The following TMEM230 variants were observed in gnomAD, a reference collection of about 807,000 sequenced individuals.
TMEM230 encodes the protein transmembrane protein 230.
A neutral mutation model predicts 15.8 loss-of-function variants in TMEM230; 10 were observed. The ratio of observed to expected loss-of-function variants is 0.63; its 90% CI spans 0.39 to 1.07. The LOEUF (loss-of-function observed/expected upper bound fraction) is 1.07, where lower values mean the gene tolerates loss of function less well. Among genes scored for constraint, TMEM230 ranks in the 50% least tolerant of loss-of-function variants. The probability of loss-of-function intolerance (pLI) is 0.01; values close to 1 mark genes in which losing one functional copy is unlikely to be tolerated. For missense variants in TMEM230, 165 were observed against 193.3 expected (o/e 0.85, Z 0.87); for synonymous variants, 67 against 76.9 (o/e 0.87, Z 0.68).
At chr20:5,086,854 C>T (rs1199139161) in intron 3 of TMEM230, among the ~76,000 whole-genome samples, 14 of 151,882 alleles carry the variant, frequency 9.2e-5, no homozygotes, top group Non-Finnish European at 1.5e-4. Flanking sequence ...TGCACACTGC[C>T]ACGCCTGGCT....
downstream of TMEM230, among the ~76,000 whole-genome samples, chr20:5,099,087 A>C (rs2122702249): frequency 6.6e-6 from 1 of 152,098 alleles, no homozygotes; most frequent in East Asian, 1.9e-4. Flanking sequence ...ACACTTTGGG[A>C]GGCAAAGGTG....
At chr20:5,092,393 T>C (rs990964450) in intron 3 of TMEM230, among the ~76,000 whole-genome samples, 3 of 152,132 alleles carry the variant, frequency 2.0e-5, no homozygotes, top group Non-Finnish European at 1.5e-5. Context: ...GGGTTCTACA[T>C]ATGCATATCA....
intron 3 of TMEM230, chr20:5,069,482 G>T: frequency 2.2e-6 from 2 of 892,244 alleles, no homozygotes; most frequent in Non-Finnish European, 3.3e-6. Flanking sequence ...CCTGTGTGAG[G>T]CAGGAGCTCA....
rs761683661 is a variant in TMEM230, at chr20:5,113,035, G to A, written c.-7C>T. Reference sequence around the variant, plus strand: ...GCAGCGCCCAAGGTTGCATGGCATGGCCCGCTTAAGTGCCACTCAGCCGGC... The same window carrying A: ...GCAGCGCCCAAGGTTGCATGGCATGACCCGCTTAAGTGCCACTCAGCCGGC... On this transcript the variant is annotated 5_prime_UTR_variant, in exon 1 of 5. Coordinates refer to ENST00000342308, the MANE Select transcript of TMEM230 (RefSeq NM_001009923.2). 7.1e-6 allele frequency: 11 copies of A among 1,545,362 alleles called. No individual in the cohort carries two copies. Among genetic ancestry groups the A allele is most frequent in the Non-Finnish European group, 9.6e-6 (11 of 1,146,666 alleles).
the TMEM230 span, chr20:5,061,337 C>T: frequency 2.0e-5 from 3 of 152,158 alleles, no homozygotes; most frequent in African/African-American, 7.2e-5. Flanking sequence ...CAATGCAGTG[C>T]TCTAGTACCT....
rs371439291 is a variant in TMEM230, at chr20:5,107,076, C to T, written c.289-766G>A. ...CAGCAATGTGGGAGGCTGAGGCAGG[C>T]GGATCACTTGAGTTCAGGAGTTTGA... is the stretch of plus-strand genomic sequence containing the variant. On this transcript the variant is annotated intron_variant, in intron 3 of 4. Coordinates refer to ENST00000342308, the MANE Select transcript of TMEM230 (RefSeq NM_001009923.2). 2.4e-4 allele frequency among the ~76,000 whole-genome samples: 37 copies of T among 152,142 alleles called. 1 individual carries two copies. In the South Asian group the frequency reaches 3.9e-3, roughly 16 times the overall value.
chr20:5,109,539 G>T (rs2122824730), intron 2 of TMEM230, 94 bp from the exon 2 acceptor site: 1 of 968,878 alleles, frequency 1.0e-6, no homozygotes, highest in South Asian at 1.4e-5. Context: ...CTGTGCACTG[G>T]AGTTCTGGGC....
intron 3 of TMEM230, among the ~76,000 whole-genome samples, chr20:5,079,410 C>T (rs1445309475): frequency 6.6e-6 from 1 of 152,158 alleles, no homozygotes; most frequent in African/African-American, 2.4e-5. Context: ...TGAATTCCCC[C>T]ACTCCTTCTA....
Position 5,111,606 on chromosome 20 carries a change from C to CCAAAA in TMEM230, c.69-2_69-1insTTTTG. The CCAAAA allele has an allele frequency of 2.7e-5, 1 of 37,376 alleles. No individual in the cohort carries two copies. The highest frequency in any genetic ancestry group is 4.6e-5 in the Non-Finnish European group (1 of 21,762). 2.3% of individuals were successfully genotyped at this position (37,376 alleles called of 1,614,324 possible). A position where few individuals can be genotyped will look rare whatever the true frequency, so the allele number is the denominator to read the frequency against. On this transcript the variant is annotated splice_acceptor_variant, in intron 1 of 4. Transcript: ENST00000342308. LOFTEE classifies it high-confidence loss of function. Reference sequence around the variant, plus strand: ...CCTGGGCGACAGAACTAGACTCCATCTAAAAAAAAAAAAAAAAAAAAAAAA... The same window carrying CCAAAA: ...CCTGGGCGACAGAACTAGACTCCATCCAAAATAAAAAAAAAAAAAAAAAAAAAAAA...
chr20:5,062,137 G>A, the TMEM230 span, among the ~76,000 whole-genome samples: 1 of 151,474 alleles, frequency 6.6e-6, no homozygotes, highest in African/African-American at 2.4e-5. Context: ...TGAGAGAATC[G>A]CTTGAGCCTA....
chr20:5,100,105 G>A lies in TMEM230; in HGVS notation c.*686C>T. On this transcript the variant is annotated 3_prime_UTR_variant, in exon 5 of 5. Transcript: ENST00000342308. ...ACAGCCAAAAGTCCGGCCGTTAAAG[G>A]AATAATCTGCAGAACATCTTGATTT... is the stretch of plus-strand genomic sequence containing the variant. The A allele has an allele frequency of 1.0e-6, 1 of 985,350 alleles. No homozygotes were observed. The highest frequency in any genetic ancestry group is 1.2e-6 in the Non-Finnish European group (1 of 829,916). The allele number at this position is 985,350 out of a possible 1,614,324, so 61.0% of individuals were successfully genotyped here. A position where few individuals can be genotyped will look rare whatever the true frequency, so the allele number is the denominator to read the frequency against.
At chr20:5,088,004 A>T (rs796389187) in intron 3 of TMEM230, among the ~76,000 whole-genome samples, 12 of 28,844 alleles carry the variant, frequency 4.2e-4, no homozygotes, top group African/African-American at 1.4e-3. Context: ...GGATATACCT[A>T]AAAAAAAAAA....
At chr20:5,075,633 G>A (rs6053080) in intron 3 of TMEM230, among the ~76,000 whole-genome samples, 6,861 of 151,962 alleles carry the variant, frequency 0.045, 468 homozygotes, top group African/African-American at 0.15. Flanking sequence ...GATGAAGCAG[G>A]AGAATCTCTT....
rs1216806480 is a variant in TMEM230 at position 5,113,025 on chromosome 20, G to A, written c.4C>T (p.Gln2Ter). The A allele has an allele frequency of 3.9e-6, 6 of 1,547,624 alleles. No homozygotes were observed. The highest frequency in any genetic ancestry group is 1.8e-4 in the Middle Eastern group (1 of 5,618). Residue 2 changes from glutamine to a stop codon, truncating the protein, a stop_gained, in exon 1 of 5, where the codon CAA (glutamine) becomes TAA (stop). It introduces an in-frame stop codon into an upstream open reading frame of the 5' UTR. Transcript: ENST00000342308. LOFTEE classifies it high-confidence loss of function. ...CCCACGGTTGGCAGCGCCCAAGGTT[G>A]CATGGCATGGCCCGCTTAAGTGCCA...
At chr20:5,085,795 G>A (rs2089318432) in intron 3 of TMEM230, among the ~76,000 whole-genome samples, 1 of 152,090 alleles carries the variant, frequency 6.6e-6, no homozygotes. Context: ...CTAGGGTAGG[G>A]GACGGGAGGC....
At chr20:5,095,203 G>A (rs922209215), downstream of TMEM230, among the ~76,000 whole-genome samples, 13 of 152,184 alleles carry the variant, frequency 8.5e-5, no homozygotes, top group African/African-American at 2.9e-4. Flanking sequence ...GTGTTAGTGA[G>A]AGGAATGAAA....
intron 3 of TMEM230, among the ~76,000 whole-genome samples, chr20:5,084,517 C>T (rs6084994): frequency 0.47 from 70,521 of 150,172 alleles, 17,951 homozygotes; most frequent in East Asian, 0.84. Context: ...CCACTGCGCC[C>T]GTCTTCTATT....
intron 3 of TMEM230, among the ~76,000 whole-genome samples, chr20:5,074,996 T>TA (rs2088944670): frequency 6.7e-6 from 1 of 149,510 alleles, no homozygotes; most frequent in African/African-American, 2.5e-5. Flanking sequence ...TTTACCACAA[T>TA]AAAAAAGGCA....
chr20:5,065,044 T>C (rs1002489647), downstream of TMEM230, among the ~76,000 whole-genome samples: 1 of 151,988 alleles, frequency 6.6e-6, no homozygotes, highest in Non-Finnish European at 1.5e-5. Flanking sequence ...TCTTTTTTTT[T>C]CCATGAATGA....
Sources: allele counts gnomAD v4.1 joint callset (sites outside exome capture counted in the v4.1 genomes callset), GRCh38; gene constraint gnomAD v4.1.1; transcripts MANE v1.5; gene names NCBI Gene and HGNC (gene_info 2026-07-23, HGNC 2026-07-21).